SGPL1: variants seen among roughly 807,000 people sequenced by gnomAD.
The protein encoded by SGPL1 is sphingosine-1-phosphate lyase 1.
In SGPL1, 37 loss-of-function variants were observed where a neutral mutation model predicts 68.9. The observed-to-expected ratio is 0.54, with a 90% CI of 0.41 to 0.71. The LOEUF (loss-of-function observed/expected upper bound fraction) is 0.71, where lower values mean the gene tolerates loss of function less well. Among genes scored for constraint, SGPL1 ranks in the 30% least tolerant of loss-of-function variants. The probability of loss-of-function intolerance (pLI) is 0.00; values close to 1 mark genes in which losing one functional copy is unlikely to be tolerated. For missense variants in SGPL1, 551 were observed against 704.6 expected, an observed-to-expected ratio of 0.78 and a Z score of 2.47; for synonymous variants, 236 against 248.5, an observed-to-expected ratio of 0.95 and a Z score of 0.47.
intron 5 of SGPL1, chr10:70,857,339 G>A (rs1845982219): frequency 2.8e-6 from 1 of 363,010 alleles, no homozygotes; most frequent in African/African-American, 2.2e-5. Context: ...AGGCAGTTGA[G>A]GATGAGGACA....
At chr10:70,849,733 G>T (rs559518425) in intron 3 of SGPL1, among the ~76,000 whole-genome samples, 53 of 152,344 alleles carry the variant, frequency 3.5e-4, no homozygotes, top group African/African-American at 1.3e-3. Flanking sequence ...GGAATTTCCA[G>T]ATCTCCTAGG....
In SGPL1 at chr10:70,857,499, A is replaced by T. The variant is rs2297842; in HGVS notation, c.410-115A>T. ...GCTATAAGAATGCTGTTGGGTTTCC[A>T]CTCAACATTTTTTTCTTTTGTATCC... On this transcript the variant is annotated intron_variant, in intron 5 of 14. Coordinates refer to ENST00000373202, the MANE Select transcript of SGPL1 (RefSeq NM_003901.4). 284,174 of 759,470 alleles carry T rather than the reference A, an allele frequency of 0.37. 55,347 individuals carry two copies. The highest frequency in any genetic ancestry group is 0.5 in the South Asian group (32,643 of 65,606). The allele number at this position is 759,470 out of a possible 1,614,324, so 47.0% of individuals were successfully genotyped here. A position where few individuals can be genotyped will look rare whatever the true frequency, so the allele number is the denominator to read the frequency against.
chr10:70,817,672 A>G lies in SGPL1; in HGVS notation c.27+792A>G, dbSNP rs114747654. ...CTACCAGAGCAGTTTTGAAACCTCT[A>G]TTATTACGTTTTATCAGGGTCTGCC... On this transcript the variant is annotated intron_variant, in intron 2 of 14. Transcript: ENST00000373202. Among the ~76,000 whole-genome samples, 770 of 152,222 alleles carry G rather than the reference A, an allele frequency of 5.1e-3. 5 individuals are homozygous for G. The highest frequency in any genetic ancestry group is 0.017 in the African/African-American group (691 of 41,528).
chr10:70,851,544 G>A (rs898296926), intron 4 of SGPL1, among the ~76,000 whole-genome samples: 1 of 151,938 alleles, frequency 6.6e-6, no homozygotes, highest in African/African-American at 2.4e-5. Flanking sequence ...TTTCTCCAAT[G>A]TAACTGGCCA....
rs1254721407 is a variant in SGPL1, at chr10:70,877,659, G to T, written c.*324G>T. ...AAACATTGTGTGGTAGCTCTGACCT[G>T]TCCTGATTCTTTAGAGAAGCTGGGG... On this transcript the variant is annotated 3_prime_UTR_variant, in exon 15 of 15. Transcript: ENST00000373202. The T allele has an allele frequency of 1.2e-5, 3 of 240,888 alleles. No individual in the cohort carries two copies. Among genetic ancestry groups the T allele is most frequent in the Non-Finnish European group, 2.5e-5 (3 of 122,044 alleles). The allele number at this position is 240,888 out of a possible 1,614,324, so 14.9% of individuals were successfully genotyped here.
chr10:70,854,619 C>A, intron 4 of SGPL1, 89 bp from the exon 5 acceptor site: 2 of 1,106,210 alleles, frequency 1.8e-6, no homozygotes, highest in Non-Finnish European at 2.6e-6. Context: ...CGGTGCCTAG[C>A]ATTGAGCAGT....
intron 7 of SGPL1, among the ~76,000 whole-genome samples, chr10:70,863,387 T>C (rs1291765059): frequency 1.3e-5 from 2 of 151,844 alleles, no homozygotes; most frequent in African/African-American, 4.8e-5. Context: ...CACATAAATA[T>C]GTTGTATTCT....
At chr10:70,831,148 G>C (rs1201441597) in intron 2 of SGPL1, among the ~76,000 whole-genome samples, 1 of 151,990 alleles carries the variant, frequency 6.6e-6, no homozygotes. Flanking sequence ...TCAGAATCTG[G>C]TAACCCGGAG....
chr10:70,834,393 C>T (rs1027412554), intron 2 of SGPL1, among the ~76,000 whole-genome samples: 2 of 152,144 alleles, frequency 1.3e-5, no homozygotes, highest in Non-Finnish European at 2.9e-5. Context: ...AGGGAAGGCA[C>T]ATTTTGGTAT....
chr10:70,828,389 A>G (rs1185183697), intron 2 of SGPL1, among the ~76,000 whole-genome samples: 1 of 152,116 alleles, frequency 6.6e-6, no homozygotes, highest in African/African-American at 2.4e-5. Flanking sequence ...TGGTGCGATC[A>G]TGGCTTCCTG....
chr10:70,868,597 C>T, intron 8 of SGPL1, among the ~76,000 whole-genome samples, 164 bp downstream of exon 8: 1 of 152,150 alleles, frequency 6.6e-6, no homozygotes, highest in Non-Finnish European at 1.5e-5. Context: ...CTTTTACATT[C>T]AGTAAAATTC....
At chr10:70,861,955 C>T (rs1846067184) in intron 7 of SGPL1, among the ~76,000 whole-genome samples, 1 of 152,248 alleles carries the variant, frequency 6.6e-6, no homozygotes, top group Admixed American at 6.5e-5. Context: ...GTGGCCCCAG[C>T]CTCCTTGACG....
intron 2 of SGPL1, among the ~76,000 whole-genome samples, chr10:70,837,234 T>G (rs1845640682): frequency 1.3e-5 from 2 of 151,980 alleles, no homozygotes; most frequent in South Asian, 4.1e-4. Context: ...TACGCCACCA[T>G]GCCTGGCTAA....
intron 7 of SGPL1, among the ~76,000 whole-genome samples, chr10:70,864,560 G>A (rs1482505163): frequency 6.6e-6 from 1 of 151,950 alleles, no homozygotes; most frequent in Non-Finnish European, 1.5e-5. Flanking sequence ...CATGGTCTAG[G>A]TTTTGAACTC....
intron 8 of SGPL1, among the ~76,000 whole-genome samples, chr10:70,868,692 A>G (rs763363606): frequency 1.5e-4 from 23 of 152,140 alleles, no homozygotes; most frequent in Non-Finnish European, 3.2e-4. Context: ...ACAAGCAAAA[A>G]TAAGATCCTT....
intron 12 of SGPL1, among the ~76,000 whole-genome samples, chr10:70,874,495 C>T (rs759738312): frequency 2.0e-5 from 3 of 152,184 alleles, no homozygotes; most frequent in African/African-American, 7.2e-5. Flanking sequence ...GAGGCTGAGG[C>T]GGGTGGATCA....
chr10:70,862,224 A>T (rs1206552773), intron 7 of SGPL1, among the ~76,000 whole-genome samples: 1 of 152,198 alleles, frequency 6.6e-6, no homozygotes, highest in Non-Finnish European at 1.5e-5. Flanking sequence ...AAACACACCA[A>T]TCAGCACCCT....
In SGPL1 at chr10:70,880,374, G is replaced by A. The variant is rs1589482049; in HGVS notation, c.*3039G>A. On this transcript the variant is annotated 3_prime_UTR_variant, in exon 15 of 15. Transcript: ENST00000373202. ...TATTTCAGAGAGGTCTGAAATTCAG[G>A]TTCTTAGTTTGCCAGGGACAGGCCC... The A allele has an allele frequency of 6.6e-6, 1 of 152,192 alleles. No individual in the cohort carries two copies. The highest frequency in any genetic ancestry group is 1.5e-5 in the Non-Finnish European group (1 of 68,046). The allele number at this position is 152,192 out of a possible 1,614,324, so 9.4% of individuals were successfully genotyped here. A position where few individuals can be genotyped will look rare whatever the true frequency, so the allele number is the denominator to read the frequency against.
chr10:70,819,192 G>A (rs1197977405), intron 2 of SGPL1, among the ~76,000 whole-genome samples: 1 of 152,190 alleles, frequency 6.6e-6, no homozygotes, highest in African/African-American at 2.4e-5. Context: ...TTCTTTTGAG[G>A]TATTTCTCTA....
Sources: allele counts gnomAD v4.1 joint callset (sites outside exome capture counted in the v4.1 genomes callset), GRCh38; gene constraint gnomAD v4.1.1; transcripts MANE v1.5; gene names NCBI Gene and HGNC (gene_info 2026-07-23, HGNC 2026-07-21).